PTPRD: variants seen among roughly 807,000 people sequenced by gnomAD.
PTPRD encodes protein tyrosine phosphatase receptor type D.
PTPRD carries 34 observed loss-of-function variants against 214.5 expected under a neutral mutation model. The ratio of observed to expected loss-of-function variants is 0.16; its 90% CI spans 0.12 to 0.21. PTPRD has a LOEUF of 0.21. Ranked by LOEUF, PTPRD falls within the 10% of genes least tolerant of loss-of-function variation. PTPRD has a pLI of 1.00. For missense variants in PTPRD, 2,545 were observed against 2,398.7 expected (o/e 1.06, Z -1.27); for synonymous variants, 1,128 against 845.7 (o/e 1.33, Z -5.79).
At chr9:10,146,247 A>ATC (rs2099022177) in intron 3 of PTPRD, among the ~76,000 whole-genome samples, 1 of 144,056 alleles carries the variant, frequency 6.9e-6, no homozygotes, top group South Asian at 2.1e-4. Flanking sequence ...ATCCATGCAT[A>ATC]CATACATACA....
intron 39 of PTPRD, among the ~76,000 whole-genome samples, chr9:8,358,137 C>T (rs1208216734): frequency 6.6e-6 from 1 of 152,138 alleles, no homozygotes. Flanking sequence ...TGGCATAGTT[C>T]TAAGGGAGGA....
intron 22 of PTPRD, among the ~76,000 whole-genome samples, chr9:8,505,808 A>G (rs995663713): frequency 6.6e-6 from 1 of 152,140 alleles, no homozygotes; most frequent in Admixed American, 6.5e-5. Context: ...CTATGCCAAC[A>G]TTTAAGCATC....
intron 17 of PTPRD, among the ~76,000 whole-genome samples, chr9:8,525,630 G>A (rs892378065): frequency 2.6e-5 from 4 of 152,086 alleles, no homozygotes; most frequent in Admixed American, 2.6e-4. Context: ...AGTTTTCCAC[G>A]ACTTACAATC....
intron 44 of PTPRD, among the ~76,000 whole-genome samples, chr9:8,321,631 C>T (rs1040487972): frequency 2.7e-5 from 4 of 149,914 alleles, no homozygotes; most frequent in African/African-American, 9.8e-5. Context: ...CATTTATGTA[C>T]CTATACATAT....
chr9:8,627,754 G>A (rs1427457857), intron 14 of PTPRD, among the ~76,000 whole-genome samples: 1 of 151,754 alleles, frequency 6.6e-6, no homozygotes, highest in Non-Finnish European at 1.5e-5. Flanking sequence ...CAGTTTTAAT[G>A]TCTCCCCTTA....
intron 3 of PTPRD, among the ~76,000 whole-genome samples, chr9:10,221,196 T>G (rs963657022): frequency 2.6e-5 from 4 of 152,060 alleles, no homozygotes; most frequent in Admixed American, 6.6e-5. Flanking sequence ...TATTTTCCCT[T>G]TGTTATTGTC....
chr9:10,096,107 G>T (rs186279733), intron 3 of PTPRD, among the ~76,000 whole-genome samples: 42 of 151,664 alleles, frequency 2.8e-4, no homozygotes, highest in Non-Finnish European at 5.5e-4. Flanking sequence ...GATTACATAC[G>T]AGCGTAAACA....
chr9:9,719,119 A>G (rs2097888644), intron 7 of PTPRD, among the ~76,000 whole-genome samples: 1 of 152,150 alleles, frequency 6.6e-6, no homozygotes, highest in Non-Finnish European at 1.5e-5. Flanking sequence ...ACAAAACAGC[A>G]TGCACTTCTG....
intron 11 of PTPRD, among the ~76,000 whole-genome samples, chr9:8,859,796 C>T (rs1032568663): frequency 8.0e-6 from 1 of 124,884 alleles, no homozygotes; most frequent in African/African-American, 2.6e-5. Flanking sequence ...TTTAGTTTTC[C>T]AGCAATTTGG....
chr9:9,865,368 T>C lies in PTPRD; in HGVS notation c.-368+73139A>G, dbSNP rs79669342. ...TGGATGGATTAATCTATTCCCAGATTAATGGATTAATGCATTATCATGGGA... is the reference window on the plus strand; with the variant it reads ...TGGATGGATTAATCTATTCCCAGATCAATGGATTAATGCATTATCATGGGA... On this transcript the variant is annotated intron_variant, in intron 5 of 45. Coordinates refer to ENST00000381196, the MANE Select transcript of PTPRD (RefSeq NM_002839.4). 1.6e-3 allele frequency among the ~76,000 whole-genome samples: 246 copies of C among 152,242 alleles called. 3 individuals carry two copies. Among genetic ancestry groups the C allele is most frequent in the Non-Finnish European group, 2.5e-3 (173 of 68,016 alleles).
At chr9:10,486,063 T>G (rs1202287553) in intron 2 of PTPRD, among the ~76,000 whole-genome samples, 2 of 152,068 alleles carry the variant, frequency 1.3e-5, no homozygotes, top group Non-Finnish European at 2.9e-5. Context: ...TTTCAGTTCC[T>G]TGTAAATTCT....
intron 7 of PTPRD, among the ~76,000 whole-genome samples, chr9:9,596,767 G>A (rs894323039): frequency 6.6e-6 from 1 of 151,936 alleles, no homozygotes; most frequent in African/African-American, 2.4e-5. Context: ...TTGAAATAAT[G>A]TTAGCTTAAG....
chr9:9,368,155 G>T (rs575464518), intron 9 of PTPRD, among the ~76,000 whole-genome samples: 1 of 151,802 alleles, frequency 6.6e-6, no homozygotes, highest in Admixed American at 6.6e-5. Context: ...AAGGCCCATG[G>T]GGTAAAACGT....
At position 8,465,493 on chromosome 9, in the gene PTPRD, C is replaced by T; in HGVS notation, c.3687G>A (p.Val1229=). ...ACTCTGCATGTTCCATTACTGCTAA[C>T]ACAAAGAAGACATATTCTTGACCAC... is the stretch of plus-strand genomic sequence containing the variant. ...LQSGQEYVFF[V]LAVMEHAESK... Residue 1229 remains valine, a synonymous_variant, in exon 32 of 46, where the codon GTG becomes GTA. Transcript: ENST00000381196. 4 of 1,612,342 alleles carry T rather than the reference C, an allele frequency of 2.5e-6. No individual in the cohort carries two copies. Among genetic ancestry groups the T allele is most frequent in the Non-Finnish European group, 3.4e-6 (4 of 1,178,854 alleles).
chr9:9,217,107 C>T (rs1387200877), intron 9 of PTPRD, among the ~76,000 whole-genome samples: 3 of 151,862 alleles, frequency 2.0e-5, no homozygotes, highest in Non-Finnish European at 4.4e-5. Flanking sequence ...ACTAAGGGCC[C>T]CTTTAGCCAA....
intron 11 of PTPRD, among the ~76,000 whole-genome samples, chr9:8,788,253 ATTTTT>A (rs776984034): frequency 1.2e-4 from 10 of 85,246 alleles, no homozygotes; most frequent in African/African-American, 4.3e-4. Context: ...ATATAAGATG[ATTTTT>A]TTTTTTTTTT....
intron 7 of PTPRD, among the ~76,000 whole-genome samples, chr9:9,732,649 C>T (rs1247178124): frequency 6.6e-6 from 1 of 152,172 alleles, no homozygotes; most frequent in South Asian, 2.1e-4. Flanking sequence ...AAAATTTGTG[C>T]TACCTAAAAT....
At chr9:9,722,363 T>C (rs1319616807) in intron 7 of PTPRD, among the ~76,000 whole-genome samples, 1 of 152,070 alleles carries the variant, frequency 6.6e-6, no homozygotes, top group African/African-American at 2.4e-5. Flanking sequence ...AGAATAATGT[T>C]TTCCAGATTC....
chr9:10,049,668 A>G (rs928458839), intron 3 of PTPRD, among the ~76,000 whole-genome samples: 3 of 152,232 alleles, frequency 2.0e-5, no homozygotes, highest in African/African-American at 7.2e-5. Context: ...TGCAGTTTAT[A>G]AGAATCTTCA....
Sources: allele counts gnomAD v4.1 joint callset (sites outside exome capture counted in the v4.1 genomes callset), GRCh38; gene constraint gnomAD v4.1.1; transcripts MANE v1.5; gene names NCBI Gene and HGNC (gene_info 2026-07-23, HGNC 2026-07-21).